PDGFD: variants seen among roughly 807,000 people sequenced by gnomAD.
PDGFD encodes platelet-derived growth factor D.
PDGFD carries 30 observed loss-of-function variants against 44.7 expected under a neutral mutation model. The ratio of observed to expected loss-of-function variants is 0.67; its 90% confidence interval spans 0.50 to 0.91. PDGFD has a LOEUF of 0.91. Among genes scored for constraint, PDGFD ranks in the 40% least tolerant of loss-of-function variants. The probability of loss-of-function intolerance (pLI) is 0.00; values close to 1 mark genes in which losing one functional copy is unlikely to be tolerated. For synonymous variants in PDGFD, 173 were observed against 168.4 expected (o/e 1.03, Z -0.21); for missense variants, 445 against 457.8 (o/e 0.97, Z 0.25).
intron 5 of PDGFD, among the ~76,000 whole-genome samples, chr11:103,928,176 C>T (rs570114779): frequency 6.6e-6 from 1 of 152,302 alleles, no homozygotes; most frequent in South Asian, 2.1e-4. Context: ...GATTTGATTT[C>T]GTGTTCTCCA....
At chr11:104,090,549 T>C (rs776394689) in intron 1 of PDGFD, among the ~76,000 whole-genome samples, 2 of 150,846 alleles carry the variant, frequency 1.3e-5, no homozygotes, top group African/African-American at 2.4e-5. Context: ...GAATCACTTG[T>C]ACCCAGGAGG....
At chr11:104,136,340 G>C (rs1366090134) in intron 1 of PDGFD, among the ~76,000 whole-genome samples, 1 of 152,110 alleles carries the variant, frequency 6.6e-6, no homozygotes, top group Non-Finnish European at 1.5e-5. Flanking sequence ...ATGACAGATT[G>C]AACAAGAGTG....
At chr11:103,946,463 T>C (rs1042674160) in intron 4 of PDGFD, 1 of 152,214 alleles carries the variant, frequency 6.6e-6, no homozygotes, top group Non-Finnish European at 1.5e-5. Context: ...CTTTAAGGCT[T>C]GTAATTCTGT....
At chr11:103,931,664 A>G (rs1219545144) in intron 5 of PDGFD, among the ~76,000 whole-genome samples, 1 of 151,944 alleles carries the variant, frequency 6.6e-6, no homozygotes, top group African/African-American at 2.4e-5. Context: ...TCAGCTCACC[A>G]TAACTTCCGC....
intron 5 of PDGFD, among the ~76,000 whole-genome samples, chr11:103,928,437 G>C (rs2134311961): frequency 6.6e-6 from 1 of 152,280 alleles, no homozygotes; most frequent in East Asian, 1.9e-4. Context: ...AACTGAAACT[G>C]CTTAAGGAGA....
chr11:103,929,118 G>A (rs1858361662), intron 5 of PDGFD, among the ~76,000 whole-genome samples: 2 of 152,196 alleles, frequency 1.3e-5, no homozygotes, highest in South Asian at 4.1e-4. Flanking sequence ...GCTGAACTAT[G>A]TCATAACCTT....
intron 1 of PDGFD, among the ~76,000 whole-genome samples, chr11:104,031,066 G>A (rs886815786): frequency 1.3e-5 from 2 of 152,056 alleles, no homozygotes; most frequent in Non-Finnish European, 2.9e-5. Flanking sequence ...AATACTATTT[G>A]GGACATGGGC....
chr11:104,136,555 A>G (rs1300599833), intron 1 of PDGFD, among the ~76,000 whole-genome samples: 3 of 152,246 alleles, frequency 2.0e-5, no homozygotes, highest in African/African-American at 2.4e-5. Context: ...ACTCTTCAAT[A>G]TTACAAATCC....
chr11:104,098,068 T>G (rs1202547336), intron 1 of PDGFD, among the ~76,000 whole-genome samples: 1 of 152,192 alleles, frequency 6.6e-6, no homozygotes, highest in Non-Finnish European at 1.5e-5. Context: ...AATAGTACTT[T>G]GCCTGAAAAC....
chr11:104,129,692 T>A (rs1212864300), intron 1 of PDGFD, among the ~76,000 whole-genome samples: 1 of 152,020 alleles, frequency 6.6e-6, no homozygotes, highest in Non-Finnish European at 1.5e-5. Context: ...AGGTAGAGCG[T>A]GAAACACGAA....
At chr11:103,998,408 C>A (rs1859569768) in intron 2 of PDGFD, among the ~76,000 whole-genome samples, 1 of 152,092 alleles carries the variant, frequency 6.6e-6, no homozygotes, top group Non-Finnish European at 1.5e-5. Context: ...GTTCAATCAC[C>A]AATGATTTAA....
chr11:104,015,447 CA>C (rs1395272560), intron 1 of PDGFD, among the ~76,000 whole-genome samples: 1 of 152,144 alleles, frequency 6.6e-6, no homozygotes, highest in Non-Finnish European at 1.5e-5. Context: ...AGAAGAACTA[CA>C]GGTCATCTTT....
chr11:104,010,703 T>C (rs1219234896), intron 1 of PDGFD, among the ~76,000 whole-genome samples: 1 of 152,128 alleles, frequency 6.6e-6, no homozygotes, highest in East Asian at 1.9e-4. Flanking sequence ...ATTAATTAAT[T>C]CTCTGATAAT....
At chr11:103,949,722 A>G (rs1858720454) in intron 3 of PDGFD, among the ~76,000 whole-genome samples, 2 of 152,230 alleles carry the variant, frequency 1.3e-5, no homozygotes, top group Admixed American at 6.5e-5. Context: ...CACACAAATA[A>G]ACACGTGCAG....
chr11:104,125,664 G>A (rs995538855), intron 1 of PDGFD, among the ~76,000 whole-genome samples: 1 of 152,058 alleles, frequency 6.6e-6, no homozygotes, highest in Non-Finnish European at 1.5e-5. Context: ...TCCCACTACT[G>A]GGAACATTTT....
At chr11:103,933,602 T>A (rs2134315541) in intron 5 of PDGFD, among the ~76,000 whole-genome samples, 1 of 152,324 alleles carries the variant, frequency 6.6e-6, no homozygotes, top group Non-Finnish European at 1.5e-5. Context: ...ATTCCTGATT[T>A]TCAAGGTTTA....
At chr11:103,994,549 C>T (rs1156884196) in intron 3 of PDGFD, among the ~76,000 whole-genome samples, 1 of 151,992 alleles carries the variant, frequency 6.6e-6, no homozygotes, top group Non-Finnish European at 1.5e-5. Context: ...TAATAATTCA[C>T]CATAATGCAA....
chr11:104,041,337 G>C (rs1565318691), intron 1 of PDGFD, among the ~76,000 whole-genome samples: 1 of 151,828 alleles, frequency 6.6e-6, no homozygotes, highest in Non-Finnish European at 1.5e-5. Flanking sequence ...TTTTGTAATG[G>C]GGATTATTTT....
intron 3 of PDGFD, among the ~76,000 whole-genome samples, chr11:103,991,395 C>T (rs1056891315): frequency 1.3e-5 from 2 of 151,922 alleles, no homozygotes; most frequent in Non-Finnish European, 2.9e-5. Context: ...TATGTAAAAC[C>T]ATTCTTCATT....
Sources: gnomAD v4.1 joint callset for allele counts (sites outside exome capture counted in the v4.1 genomes callset) on GRCh38, gnomAD v4.1.1 for gene constraint, MANE v1.5 for transcripts, NCBI Gene and HGNC (gene_info 2026-07-23, HGNC 2026-07-21) for gene names.